PLCG2: variants seen among roughly 807,000 people sequenced by gnomAD.
The protein encoded by PLCG2 is phospholipase C gamma 2, also known as 1-phosphatidylinositol 4,5-bisphosphate phosphodiesterase gamma-2.
PLCG2 carries 69 observed loss-of-function variants against 175.6 expected under a neutral mutation model. That is an observed-to-expected ratio of 0.39 (90% CI 0.32 to 0.48). The LOEUF (loss-of-function observed/expected upper bound fraction) is 0.48, where lower values mean the gene tolerates loss of function less well. PLCG2 is among the 20% of genes least tolerant of loss of function. PLCG2 has a pLI of 0.91. For missense variants in PLCG2, 1,798 were observed against 1,650.9 expected, an observed-to-expected ratio of 1.09 and a Z score of -1.54; for synonymous variants, 827 against 624.0, an observed-to-expected ratio of 1.33 and a Z score of -4.85.
intron 2 of PLCG2, among the ~76,000 whole-genome samples, chr16:81,822,809 G>A (rs1164854767): frequency 1.4e-5 from 2 of 146,328 alleles, no homozygotes; most frequent in East Asian, 4.1e-4. Context: ...AGAGTGAGTA[G>A]AAGACAATGG....
chr16:81,827,190 GT>G (rs368220809), intron 2 of PLCG2, among the ~76,000 whole-genome samples: 139 of 144,038 alleles, frequency 9.7e-4, no homozygotes, highest in Non-Finnish European at 1.4e-3. Flanking sequence ...GGATTGCTGG[GT>G]TTTTTTTTTT....
chr16:81,765,630 CAATA>C (rs754672203), intron 2 of PLCG2, among the ~76,000 whole-genome samples: 1 of 42,652 alleles, frequency 2.3e-5, no homozygotes, highest in African/African-American at 4.4e-5. Flanking sequence ...GACTCGGTCT[CAATA>C]AATAAATAAA....
chr16:81,762,334 C>T (rs1357921687), intron 2 of PLCG2, among the ~76,000 whole-genome samples: 1 of 151,942 alleles, frequency 6.6e-6, no homozygotes, highest in Non-Finnish European at 1.5e-5. Context: ...TTTGGGAGGT[C>T]AAGGTAGGCG....
intron 30 of PLCG2, among the ~76,000 whole-genome samples, chr16:81,944,330 T>C (rs1396438344): frequency 2.0e-5 from 3 of 150,262 alleles, no homozygotes; most frequent in East Asian, 2.2e-4. Flanking sequence ...ATCGAACATA[T>C]GCAGACTTTT....
upstream of PLCG2, among the ~76,000 whole-genome samples, chr16:81,776,688 G>T (rs1001933775): frequency 2.0e-5 from 3 of 152,202 alleles, no homozygotes; most frequent in Non-Finnish European, 4.4e-5. Flanking sequence ...GTGAGTAGCT[G>T]ACACTACAGG....
chr16:81,893,229 T>G (rs1908721532), intron 11 of PLCG2, among the ~76,000 whole-genome samples: 1 of 152,180 alleles, frequency 6.6e-6, no homozygotes, highest in African/African-American at 2.4e-5. Context: ...GAGTCATTCT[T>G]ACGGCAGTTT....
chr16:81,931,617 A>G lies in PLCG2; in HGVS notation c.2702A>G (p.Gln901Arg). 6.2e-7 allele frequency: 1 copy of G among 1,614,048 alleles called. No homozygotes were observed. Among genetic ancestry groups the G allele is most frequent in the Non-Finnish European group, 8.5e-7 (1 of 1,179,950 alleles). Residue 901 changes from glutamine to arginine, a missense_variant, in exon 25 of 33, where the codon CAG becomes CGG. Transcript: ENST00000564138. Reference sequence around the variant, plus strand: ...GTGGAGGAGCTCTTTGAGTGGTTTCAGAGCATCCGAGAGATCACCTGGAAG... The same window carrying G: ...GTGGAGGAGCTCTTTGAGTGGTTTCGGAGCATCCGAGAGATCACCTGGAAG... ...DRVEELFEWF[Q>R]SIREITWKID...
chr16:81,888,233 CAG>C (rs1249697787), intron 9 of PLCG2, among the ~76,000 whole-genome samples: 1 of 151,974 alleles, frequency 6.6e-6, no homozygotes, highest in Non-Finnish European at 1.5e-5. Context: ...TTTTTTGAGA[CAG>C]AGTTTCACTC....
intron 1 of PLCG2, 29 bp from the exon 2 acceptor site, chr16:81,785,914 C>G (rs1224707131): frequency 7.3e-6 from 10 of 1,367,268 alleles, no homozygotes; most frequent in East Asian, 2.3e-5. Context: ...GTACTAAAAT[C>G]AGTTCACTCT....
chr16:81,903,972 A>G (rs895247546), intron 14 of PLCG2, among the ~76,000 whole-genome samples: 3 of 152,208 alleles, frequency 2.0e-5, no homozygotes, highest in Non-Finnish European at 4.4e-5. Context: ...GGTCATATGT[A>G]TCTTCTTATT....
intron 2 of PLCG2, among the ~76,000 whole-genome samples, chr16:81,802,456 C>G (rs1911775317): frequency 6.6e-6 from 1 of 151,914 alleles, no homozygotes; most frequent in African/African-American, 2.4e-5. Context: ...CCAGCTTTTG[C>G]TACCAAGTGT....
upstream of PLCG2, among the ~76,000 whole-genome samples, chr16:81,776,453 A>G (rs753242003): frequency 6.6e-6 from 1 of 152,024 alleles, no homozygotes; most frequent in Admixed American, 6.5e-5. Context: ...TGGAAAAGAA[A>G]GAATACACAG....
intron 31 of PLCG2, among the ~76,000 whole-genome samples, chr16:81,948,600 G>T (rs1057470379): frequency 6.6e-6 from 1 of 152,176 alleles, no homozygotes; most frequent in Non-Finnish European, 1.5e-5. Context: ...GCACACTTTA[G>T]AATCCTGGAG....
chr16:81,894,277 A>C (rs897296400), intron 12 of PLCG2, among the ~76,000 whole-genome samples: 1 of 152,058 alleles, frequency 6.6e-6, no homozygotes, highest in African/African-American at 2.4e-5. Flanking sequence ...AAAAGTAAAA[A>C]AATTAGCTGT....
At chr16:81,804,302 A>C (rs1452987970) in intron 2 of PLCG2, among the ~76,000 whole-genome samples, 4 of 152,196 alleles carry the variant, frequency 2.6e-5, no homozygotes, top group Non-Finnish European at 4.4e-5. Context: ...CTGATTGCTC[A>C]TTGCTCTATC....
At chr16:81,758,384 G>T (rs1909972808) in intron 2 of PLCG2, among the ~76,000 whole-genome samples, 1 of 152,146 alleles carries the variant, frequency 6.6e-6, no homozygotes, top group African/African-American at 2.4e-5. Flanking sequence ...GATCACATCT[G>T]GTTCATTTGT....
At chr16:81,823,603 G>T (rs1904901958) in intron 2 of PLCG2, among the ~76,000 whole-genome samples, 1 of 152,070 alleles carries the variant, frequency 6.6e-6, no homozygotes, top group Non-Finnish European at 1.5e-5. Flanking sequence ...ATAGCTCACT[G>T]TAGCCTCAAA....
At chr16:81,775,190 A>G (rs1910372035), upstream of PLCG2, among the ~76,000 whole-genome samples, 1 of 152,190 alleles carries the variant, frequency 6.6e-6, no homozygotes, top group African/African-American at 2.4e-5. Flanking sequence ...CATTCTTATC[A>G]TCCCAAAGAG....
At chr16:81,919,373 C>T in intron 19 of PLCG2, 111 bp from the exon 20 acceptor site, 4 of 754,206 alleles carry the variant, frequency 5.3e-6, no homozygotes, top group South Asian at 5.1e-5. Context: ...GTTTATTTAC[C>T]CACTTCTCTA....
Sources: allele counts gnomAD v4.1 joint callset (sites outside exome capture counted in the v4.1 genomes callset), GRCh38; gene constraint gnomAD v4.1.1; transcripts MANE v1.5; gene names NCBI Gene and HGNC (gene_info 2026-07-23, HGNC 2026-07-21).